The following ULK4 variants were observed in gnomAD, a reference collection of about 807,000 sequenced individuals.
ULK4 encodes the protein inactive serine/threonine-protein kinase ULK4.
ULK4 carries 133 observed loss-of-function variants against 160.6 expected under a neutral mutation model. The ratio of observed to expected loss-of-function variants is 0.83; its 90% CI spans 0.72 to 0.96. The LOEUF is 0.96. Ranked by LOEUF, ULK4 falls within the 40% of genes least tolerant of loss-of-function variation. The pLI, the probability that ULK4 is intolerant of heterozygous loss-of-function variation, is 0.00. For missense variants in ULK4, 1,580 were observed against 1,499.5 expected (o/e 1.05, Z -0.89); for synonymous variants, 534 against 539.8 (o/e 0.99, Z 0.15).
In ULK4 at chr3:41,684,918, T is replaced by C. The variant is rs373065992; in HGVS notation, c.2782-3114A>G. ...GTCGTGGCTAACCTTACAAATTATC[T>C]TGAGCAGCTGAAATTCCTAGCAAGC... On this transcript the variant is annotated intron_variant, in intron 27 of 36. Transcript: ENST00000301831. Among the ~76,000 whole-genome samples the C allele has an allele frequency of 7.8e-4, 119 of 152,348 alleles. 1 individual carries two copies. The South Asian group carries it at 0.023, about 29-fold the overall frequency.
At chr3:41,925,604 G>C (rs2148817486) in intron 5 of ULK4, among the ~76,000 whole-genome samples, 1 of 152,266 alleles carries the variant, frequency 6.6e-6, no homozygotes, top group East Asian at 1.9e-4. Flanking sequence ...CACATGGTCA[G>C]GCTCAGCGGG....
chr3:41,667,620 C>A (rs1484868435), intron 29 of ULK4, among the ~76,000 whole-genome samples: 2 of 152,168 alleles, frequency 1.3e-5, no homozygotes, highest in Non-Finnish European at 2.9e-5. Context: ...GGACTAGGGG[C>A]TGGAGAGGAG....
At chr3:41,759,917 CA>C (rs1226261107) in intron 21 of ULK4, among the ~76,000 whole-genome samples, 6 of 152,102 alleles carry the variant, frequency 3.9e-5, no homozygotes, top group Non-Finnish European at 8.8e-5. Context: ...TGTTAACTTA[CA>C]CTCATTCCTC....
At chr3:41,379,615 C>T (rs963595835) in intron 35 of ULK4, among the ~76,000 whole-genome samples, 6 of 152,166 alleles carry the variant, frequency 3.9e-5, no homozygotes, top group South Asian at 2.1e-4. Context: ...CTATGACATA[C>T]GTTTGGGGCA....
intron 21 of ULK4, among the ~76,000 whole-genome samples, chr3:41,776,366 C>G (rs1480559588): frequency 6.6e-6 from 1 of 150,566 alleles, no homozygotes; most frequent in Non-Finnish European, 1.5e-5. Flanking sequence ...ATCACAAAGA[C>G]AGTTATGTAA....
At chr3:41,932,033 GA>G (rs756901706) in intron 4 of ULK4, 27 bp from the exon 5 acceptor site, 5 of 1,591,888 alleles carry the variant, frequency 3.1e-6, no homozygotes, top group Admixed American at 1.8e-5. Context: ...AATGTTTTCA[GA>G]AAAAAAATCA....
chr3:41,562,401 A>C (rs12490301), intron 32 of ULK4, among the ~76,000 whole-genome samples: 82,822 of 152,062 alleles, frequency 0.54, 25,758 homozygotes, highest in Admixed American at 0.69. Context: ...GCTGAGTTCA[A>C]GTCCTGGATA....
intron 30 of ULK4, among the ~76,000 whole-genome samples, chr3:41,640,782 T>C (rs892974507): frequency 6.6e-6 from 1 of 152,150 alleles, no homozygotes; most frequent in African/African-American, 2.4e-5. Context: ...GGAAGAATAA[T>C]CCAACGATAT....
At chr3:41,897,421 A>T (rs761382708) in intron 14 of ULK4, among the ~76,000 whole-genome samples, 1 of 152,212 alleles carries the variant, frequency 6.6e-6, no homozygotes, top group Non-Finnish European at 1.5e-5. Flanking sequence ...AAAAAAAATA[A>T]CGAGAATAAC....
chr3:41,749,881 C>A, intron 22 of ULK4, among the ~76,000 whole-genome samples: 1 of 152,080 alleles, frequency 6.6e-6, no homozygotes, highest in Non-Finnish European at 1.5e-5. Flanking sequence ...GCATGAGAAG[C>A]AATCTTGCTG....
At chr3:41,933,416 A>G (rs1456375526) in intron 4 of ULK4, among the ~76,000 whole-genome samples, 1 of 152,162 alleles carries the variant, frequency 6.6e-6, no homozygotes, top group Non-Finnish European at 1.5e-5. Context: ...CTCATACTTC[A>G]ATTATGTTGT....
intron 17 of ULK4, among the ~76,000 whole-genome samples, chr3:41,856,585 A>ATG (rs2042363004): frequency 1.3e-5 from 1 of 77,052 alleles, no homozygotes; most frequent in Non-Finnish European, 2.4e-5. Context: ...GTGTATATAT[A>ATG]TACACATATA....
chr3:41,356,796 G>A (rs1389632564), intron 35 of ULK4, among the ~76,000 whole-genome samples: 1 of 152,188 alleles, frequency 6.6e-6, no homozygotes, highest in Non-Finnish European at 1.5e-5. Context: ...CCAGGTGTCT[G>A]GGGAGCAGCT....
In ULK4 at chr3:41,370,772, G is replaced by A. The variant is rs576907677; in HGVS notation, c.3678+27307C>T. On this transcript the variant is annotated intron_variant, in intron 35 of 36. Coordinates refer to ENST00000301831, the MANE Select transcript of ULK4 (RefSeq NM_017886.4). ...GAGTATTTTTCCAAACCCCAGTGGC[G>A]CCTGGAACGTCAGCATGAAAGAACT... Among the ~76,000 whole-genome samples the A allele has an allele frequency of 5.3e-5, 8 of 152,258 alleles. No homozygotes were observed. The South Asian group carries it at 6.2e-4, about 12-fold the overall frequency.
intron 32 of ULK4, among the ~76,000 whole-genome samples, chr3:41,484,458 C>CTTTTTTTTTTTTTT (rs369059587): frequency 0.02 from 2,724 of 133,798 alleles, 154 homozygotes; most frequent in African/African-American, 0.032. Flanking sequence ...CTTTCTTTTC[C>CTTTTTTTTTTTTTT]TTTTTTTGTT....
rs756665775 is a variant in ULK4 at position 41,715,225 on chromosome 3, C to T, written c.2634+12G>A. 113 of 1,607,986 alleles carry T rather than the reference C, an allele frequency of 7.0e-5. No individual in the cohort carries two copies. The Admixed American group carries it at 1.6e-3, about 23-fold the overall frequency. On this transcript the variant is annotated intron_variant, in intron 25 of 36. Transcript: ENST00000301831. ...ATTTTATTAGAAACAAGGAAAATTT[C>T]GTGTTACTCACAAGAATAGTTCCAT...
chr3:41,443,168 G>A (rs10446424), intron 34 of ULK4, among the ~76,000 whole-genome samples: 31,401 of 151,866 alleles, frequency 0.21, 3,730 homozygotes, highest in East Asian at 0.57. Flanking sequence ...TTCTCACCAG[G>A]TTTCTCTGGC....
chr3:41,891,708 A>T (rs1697973925), intron 16 of ULK4, among the ~76,000 whole-genome samples: 1 of 152,138 alleles, frequency 6.6e-6, no homozygotes, highest in Non-Finnish European at 1.5e-5. Flanking sequence ...GGAGTTGGAG[A>T]CCATCTGGCC....
chr3:41,887,965 C>A (rs879594405), intron 16 of ULK4, among the ~76,000 whole-genome samples: 1 of 151,928 alleles, frequency 6.6e-6, no homozygotes, highest in Non-Finnish European at 1.5e-5. Context: ...GAGTTCAAGA[C>A]CAGCCTGGCT....
Sources: allele counts gnomAD v4.1 joint callset (sites outside exome capture counted in the v4.1 genomes callset), GRCh38; gene constraint gnomAD v4.1.1; transcripts MANE v1.5; gene names NCBI Gene and HGNC (gene_info 2026-07-23, HGNC 2026-07-21).